The following EXTL3 variants were observed in gnomAD, a reference collection of about 807,000 sequenced individuals.
The protein encoded by EXTL3 is exostosin-like 3.
EXTL3 carries 27 observed loss-of-function variants against 69.3 expected under a neutral mutation model. The observed-to-expected ratio is 0.39, with a 90% CI of 0.29 to 0.54. The LOEUF is 0.54. Among genes scored for constraint, EXTL3 ranks in the 20% least tolerant of loss-of-function variants. The pLI is 0.69. For synonymous variants in EXTL3, 511 were observed against 499.4 expected (o/e 1.02, Z -0.31); for missense variants, 1,003 against 1,231.8 (o/e 0.81, Z 2.78).
intron 1 of EXTL3, among the ~76,000 whole-genome samples, chr8:28,676,755 C>T (rs952763953): frequency 1.3e-5 from 2 of 152,150 alleles, no homozygotes; most frequent in African/African-American, 2.4e-5. Context: ...AGAGGAAGAT[C>T]GCCCAAAGTG....
In EXTL3 at chr8:28,745,662, C is replaced by T. The variant is rs373529085; in HGVS notation, c.2550+2448C>T. Among the ~76,000 whole-genome samples the T allele has an allele frequency of 3.9e-5, 6 of 152,222 alleles. No homozygotes were observed. The South Asian group carries it at 6.2e-4, about 16-fold the overall frequency. On this transcript the variant is annotated intron_variant, in intron 6 of 6. Transcript: ENST00000220562. ...CTCTAGTAGACCAGAAGACATGGTC[C>T]ATGAAAATTTAAAGTATCTGAGTGA... is the stretch of plus-strand genomic sequence containing the variant.
upstream of EXTL3, among the ~76,000 whole-genome samples, chr8:28,622,394 G>A (rs1407053497): frequency 6.6e-6 from 1 of 152,238 alleles, no homozygotes; most frequent in African/African-American, 2.4e-5. Context: ...CGCCCGCCAG[G>A]AGGCAGCGCA....
intron 1 of EXTL3, chr8:28,637,368 G>C (rs983008073): frequency 6.6e-6 from 1 of 152,208 alleles, no homozygotes; most frequent in Non-Finnish European, 1.5e-5. Context: ...GAGCCAGCCC[G>C]CTACTTTATG....
intron 1 of EXTL3, among the ~76,000 whole-genome samples, chr8:28,683,245 T>G (rs1383529423): frequency 2.6e-5 from 4 of 152,192 alleles, no homozygotes; most frequent in Admixed American, 2.6e-4. Context: ...TTTTGTGTTT[T>G]CATATGGACT....
chr8:28,717,475 C>T lies in EXTL3; in HGVS notation c.1416C>T (p.Tyr472=). 8 of 1,614,208 alleles carry T rather than the reference C, an allele frequency of 5.0e-6. No homozygotes were observed. The highest frequency in any genetic ancestry group is 6.8e-6 in the Non-Finnish European group (8 of 1,180,042). ...VVLGEQVQLP[Y]QDMLQWNEAA... is the part of the protein sequence containing the mutation. ...TGGGGGAGCAGGTCCAGCTTCCCTA[C>T]CAGGACATGCTGCAGTGGAACGAGG... is the stretch of plus-strand genomic sequence containing the variant. The change falls in exon 3 of 7, where the codon TAC becomes TAT. Residue 472 remains tyrosine, a synonymous_variant. Coordinates refer to ENST00000220562, the MANE Select transcript of EXTL3 (RefSeq NM_001440.4). This position sits in a 1 kb window ranked among gnomAD's most constrained non-coding sequence, Gnocchi z 8.3.
At chr8:28,704,086 C>T (rs1006923452) in intron 1 of EXTL3, among the ~76,000 whole-genome samples, 1 of 152,140 alleles carries the variant, frequency 6.6e-6, no homozygotes, top group South Asian at 2.1e-4. Flanking sequence ...ATTCAGACCT[C>T]TTGGGTGATG....
chr8:28,676,433 T>A (rs1807384104), intron 1 of EXTL3, among the ~76,000 whole-genome samples: 1 of 152,132 alleles, frequency 6.6e-6, no homozygotes, highest in African/African-American at 2.4e-5. Flanking sequence ...GGCAAAGCTG[T>A]CACACAACCC....
chr8:28,690,065 C>T (rs760772032), intron 1 of EXTL3, among the ~76,000 whole-genome samples: 1 of 152,028 alleles, frequency 6.6e-6, no homozygotes, highest in Non-Finnish European at 1.5e-5. Flanking sequence ...CATTTTGTGG[C>T]TGAAATAGGA....
chr8:28,608,226 A>G (rs1334425953), intron 2 of EXTL3, among the ~76,000 whole-genome samples: 1 of 152,118 alleles, frequency 6.6e-6, no homozygotes, highest in Non-Finnish European at 1.5e-5. Context: ...TTGGATGTCC[A>G]GCCAGTTGGG....
At chr8:28,674,822 G>GGTATT (rs1807353351) in intron 1 of EXTL3, among the ~76,000 whole-genome samples, 2 of 152,112 alleles carry the variant, frequency 1.3e-5, no homozygotes, top group Non-Finnish European at 2.9e-5. Context: ...CAGCAACAGT[G>GGTATT]GCATTCCCAA....
At chr8:28,633,225 C>A (rs1806598466) in intron 1 of EXTL3, among the ~76,000 whole-genome samples, 1 of 152,002 alleles carries the variant, frequency 6.6e-6, no homozygotes, top group Non-Finnish European at 1.5e-5. Context: ...GTATTCACAG[C>A]TACTCAGGAG....
At chr8:28,729,542 G>C (rs1801488820) in intron 3 of EXTL3, among the ~76,000 whole-genome samples, 1 of 129,938 alleles carries the variant, frequency 7.7e-6, no homozygotes, top group South Asian at 2.6e-4. Flanking sequence ...GCTGCAGTGA[G>C]CCAAGATTGC....
intron 1 of EXTL3, among the ~76,000 whole-genome samples, chr8:28,703,139 C>G (rs977246078): frequency 6.6e-6 from 1 of 152,184 alleles, no homozygotes; most frequent in Non-Finnish European, 1.5e-5. Context: ...CATAAGAACT[C>G]ACGAGCAAGA....
At chr8:28,643,581 ATTTT>A (rs796643155) in intron 1 of EXTL3, among the ~76,000 whole-genome samples, 2 of 146,814 alleles carry the variant, frequency 1.4e-5, no homozygotes, top group Admixed American at 6.8e-5. Context: ...CACCCGGCTA[ATTTT>A]TTTTTTGTAT....
At position 28,668,865 on chromosome 8, in the gene EXTL3, C is replaced by CTT. The variant is rs999113088; in HGVS notation, c.-52-44577_-52-44576dup. On this transcript the variant is annotated intron_variant, in intron 1 of 6. Coordinates refer to the EXTL3 transcript ENST00000523149. ...ACCCCTGCCTCCTTTGATAGAATCT[C>CTT]TTTTTTTTTTTTTTTTGAGACAGAG... Among the ~76,000 whole-genome samples, 136 of 94,464 alleles carry CTT rather than the reference C, an allele frequency of 1.4e-3. 6 individuals are homozygous for CTT. The highest frequency in any genetic ancestry group is 1.2e-3 in the Non-Finnish European group (63 of 51,944). 62.0% of individuals were successfully genotyped at this position (94,464 alleles called of 152,430 possible). A position where few individuals can be genotyped will look rare whatever the true frequency, so the allele number is the denominator to read the frequency against.
At chr8:28,633,702 T>G (rs1806605567) in intron 1 of EXTL3, among the ~76,000 whole-genome samples, 1 of 152,186 alleles carries the variant, frequency 6.6e-6, no homozygotes. Flanking sequence ...TTTATAAGGT[T>G]TCCTTGGAAC....
Position 28,752,175 on chromosome 8 carries a change from C to G in EXTL3, c.*1309C>G, listed in dbSNP as rs997373462. On this transcript the variant is annotated 3_prime_UTR_variant, in exon 7 of 7. Coordinates refer to ENST00000220562, the MANE Select transcript of EXTL3 (RefSeq NM_001440.4). ...TGGAATCTAACGGGCATTCACAACC[C>G]GAGTTACCACTTTCCACTCCCTGCT... 6.6e-6 allele frequency: 1 copy of G among 152,068 alleles called. No individual in the cohort carries two copies. The highest frequency in any genetic ancestry group is 1.5e-5 in the Non-Finnish European group (1 of 68,028). 9.4% of individuals were successfully genotyped at this position (152,068 alleles called of 1,614,324 possible).
At chr8:28,701,026 C>G (rs1800774819), upstream of EXTL3, 1 of 152,272 alleles carries the variant, frequency 6.6e-6, no homozygotes. Flanking sequence ...CCGGCCTTGT[C>G]TTTGTTATGA....
At chr8:28,715,398 C>A (rs778794137) in intron 2 of EXTL3, among the ~76,000 whole-genome samples, 187 bp from the exon 3 acceptor site, 3 of 152,112 alleles carry the variant, frequency 2.0e-5, no homozygotes, top group African/African-American at 7.2e-5. Context: ...CATTTATTAC[C>A]CCAAGTAAAA....
Sources: allele counts gnomAD v4.1 joint callset (sites outside exome capture counted in the v4.1 genomes callset), GRCh38; gene constraint gnomAD v4.1.1; non-coding constraint Gnocchi (gnomAD v3.1); transcripts MANE v1.5; gene names NCBI Gene and HGNC (gene_info 2026-07-23, HGNC 2026-07-21).